CAMSAP2: variants seen among roughly 807,000 people sequenced by gnomAD.
The protein encoded by CAMSAP2 is calmodulin regulated spectrin associated protein family member 2.
Under a neutral mutation model 146.1 loss-of-function variants are expected in CAMSAP2, and 26 were observed. The observed-to-expected ratio is 0.18, with a 90% CI of 0.13 to 0.25. The LOEUF (loss-of-function observed/expected upper bound fraction) is 0.25, where lower values mean the gene tolerates loss of function less well. Ranked by LOEUF, CAMSAP2 falls within the 10% of genes least tolerant of loss-of-function variation. The pLI is 1.00. For missense variants in CAMSAP2, 1,381 were observed against 1,759.3 expected (o/e 0.78, Z 3.85); for synonymous variants, 499 against 596.6 (o/e 0.84, Z 2.38).
chr1:200,830,603 C>G (rs1667017722), intron 4 of CAMSAP2, among the ~76,000 whole-genome samples: 1 of 152,178 alleles, frequency 6.6e-6, no homozygotes, highest in African/African-American at 2.4e-5. Context: ...CTAGAAGATA[C>G]CGCTGTACTG....
Position 200,857,727 on chromosome 1 carries a change from A to G in CAMSAP2, c.4132-27A>G. 2 of 1,534,116 alleles carry G rather than the reference A, an allele frequency of 1.3e-6. No homozygotes were observed. Among genetic ancestry groups the G allele is most frequent in the South Asian group, 2.5e-5 (2 of 79,186 alleles). On this transcript the variant is annotated intron_variant, in intron 16 of 16. Coordinates refer to ENST00000358823, the MANE Select transcript of CAMSAP2 (RefSeq NM_203459.4). The surrounding 1 kb of genome is among the most constrained non-coding windows in gnomAD (Gnocchi z 4.7). ...ATAAAGGGTTTTTATTCGTGTTGTT[A>G]TGTTGTTTTTGTTTTTTATTTTAAA...
In CAMSAP2 at chr1:200,857,285, G is replaced by A. The variant is rs550948026; in HGVS notation, c.4013-21G>A. ...ACTTAGGAATGTTATTTTTATTATT[G>A]TTGTTAAATCCCTACCATAGGACCA... On this transcript the variant is annotated intron_variant, in intron 15 of 16. Coordinates refer to ENST00000358823, the MANE Select transcript of CAMSAP2 (RefSeq NM_203459.4). This position sits in a 1 kb window ranked among gnomAD's most constrained non-coding sequence, Gnocchi z 4.7. 3.7e-5 allele frequency: 52 copies of A among 1,389,154 alleles called. No homozygotes were observed. In the Middle Eastern group the frequency reaches 9.0e-4, roughly 24 times the overall value. 86.1% of individuals were successfully genotyped at this position (1,389,154 alleles called of 1,614,324 possible).
At chr1:200,771,504 C>T (rs891543697) in intron 2 of CAMSAP2, among the ~76,000 whole-genome samples, 5 of 151,802 alleles carry the variant, frequency 3.3e-5, no homozygotes, top group African/African-American at 9.7e-5. Context: ...TTATATTGTA[C>T]CACATATCAT....
intron 1 of CAMSAP2, among the ~76,000 whole-genome samples, chr1:200,755,480 T>G (rs1426922680): frequency 2.6e-5 from 4 of 152,174 alleles, no homozygotes; most frequent in Non-Finnish European, 5.9e-5. Context: ...AGTGAAGAGC[T>G]GAGTAGGCTG....
intron 3 of CAMSAP2, among the ~76,000 whole-genome samples, chr1:200,809,743 G>GATA (rs933121165): frequency 4.1e-4 from 63 of 152,096 alleles, no homozygotes; most frequent in Admixed American, 1.5e-3. Flanking sequence ...TAATAATAAT[G>GATA]ATAATAATAA....
At chr1:200,745,772 G>A (rs892046601) in intron 1 of CAMSAP2, among the ~76,000 whole-genome samples, 1 of 152,150 alleles carries the variant, frequency 6.6e-6, no homozygotes, top group Non-Finnish European at 1.5e-5. Flanking sequence ...GTGCCTGGTT[G>A]ATGATGATGT....
At chr1:200,847,857 G>A (rs1346574103) in intron 10 of CAMSAP2, 148 bp downstream of exon 10, 4 of 856,272 alleles carry the variant, frequency 4.7e-6, no homozygotes, top group South Asian at 3.6e-5. Context: ...TGATAGAGAT[G>A]TAAAAGAGGC....
chr1:200,761,756 A>G (rs961634312), intron 2 of CAMSAP2, among the ~76,000 whole-genome samples: 1 of 150,724 alleles, frequency 6.6e-6, no homozygotes, highest in Admixed American at 6.6e-5. Context: ...AAAAAAGCTC[A>G]TTTATGTACT....
At chr1:200,816,744 ACGC>A (rs1295188967) in intron 4 of CAMSAP2, among the ~76,000 whole-genome samples, 1 of 80,026 alleles carries the variant, frequency 1.2e-5, no homozygotes, top group African/African-American at 5.3e-5. Flanking sequence ...GTACACACAC[ACGC>A]GTGTATATAT....
chr1:200,760,038 A>G (rs1664759297), intron 1 of CAMSAP2, among the ~76,000 whole-genome samples: 1 of 152,192 alleles, frequency 6.6e-6, no homozygotes, highest in Admixed American at 6.5e-5. Context: ...TTGGAAGAGT[A>G]GGACTTGGCA....
At chr1:200,807,313 A>G (rs1388844704) in intron 2 of CAMSAP2, 63 bp from the exon 3 acceptor site, 2 of 1,293,244 alleles carry the variant, frequency 1.5e-6, no homozygotes, top group African/African-American at 3.0e-5. Context: ...ACATTTCAAA[A>G]TATGTAAAAA....
rs1470922662 is a variant in CAMSAP2, at chr1:200,857,316, C to A, written c.4023C>A (p.Leu1341=). 1 of 1,608,324 alleles carries A rather than the reference C, an allele frequency of 6.2e-7. No homozygotes were observed. Among genetic ancestry groups the A allele is most frequent in the Non-Finnish European group, 8.5e-7 (1 of 1,175,168 alleles). Residue 1341 remains leucine, a synonymous_variant, in exon 16 of 17, where the codon CTC becomes CTA. Transcript: ENST00000358823. This position sits in a 1 kb window ranked among gnomAD's most constrained non-coding sequence, Gnocchi z 4.7. ...AAATCCCTACCATAGGACCAAAGCT[C>A]TACAAAGAACCCAGTGCAAAATCCA... ...ASGTEYTGPK[L]YKEPSAKSNK... is the part of the protein sequence containing the mutation.
At chr1:200,754,539 G>C (rs978015840) in intron 1 of CAMSAP2, among the ~76,000 whole-genome samples, 1 of 93,528 alleles carries the variant, frequency 1.1e-5, no homozygotes, top group Non-Finnish European at 2.3e-5. Context: ...TTTTCCATTT[G>C]TTTGTTGGTA....
At chr1:200,754,363 G>T (rs1664588890) in intron 1 of CAMSAP2, among the ~76,000 whole-genome samples, 1 of 152,038 alleles carries the variant, frequency 6.6e-6, no homozygotes, top group African/African-American at 2.4e-5. Flanking sequence ...GGTCAAAGTG[G>T]TATCTGTAGT....
intron 2 of CAMSAP2, among the ~76,000 whole-genome samples, chr1:200,785,901 G>T (rs1489591091): frequency 6.6e-6 from 1 of 151,676 alleles, no homozygotes; most frequent in African/African-American, 2.4e-5. Context: ...TGTTGGTCAG[G>T]CTGGTCTCAA....
In CAMSAP2 at chr1:200,832,827, T is replaced by C. The variant is rs1186918244; in HGVS notation, c.909T>C (p.Tyr303=). The C allele has an allele frequency of 6.3e-7, 1 of 1,586,728 alleles. No individual in the cohort carries two copies. Among genetic ancestry groups the C allele is most frequent in the African/African-American group, 1.4e-5 (1 of 73,312 alleles). ...CCHFTLEDML[Y]AASSIKSNYL... ...ATTTCACTCTGGAAGATATGCTCTA[T>C]GCTGCTTCATCCATAAAGGTAAATT... Residue 303 remains tyrosine, a synonymous_variant, in exon 6 of 17, where the codon TAT becomes TAC. Transcript: ENST00000358823. This position sits in a 1 kb window ranked among gnomAD's most constrained non-coding sequence, Gnocchi z 4.2.
At chr1:200,843,451 C>T (rs1033328445) in intron 7 of CAMSAP2, among the ~76,000 whole-genome samples, 29 of 152,030 alleles carry the variant, frequency 1.9e-4, no homozygotes, top group African/African-American at 6.0e-4. Context: ...TCTTTACATG[C>T]CTATAAAAAA....
At chr1:200,779,154 G>A (rs570294847) in intron 2 of CAMSAP2, among the ~76,000 whole-genome samples, 1 of 152,110 alleles carries the variant, frequency 6.6e-6, no homozygotes, top group African/African-American at 2.4e-5. Flanking sequence ...TCTATACCAT[G>A]ATTTTTGAAG....
chr1:200,792,517 C>T (rs1665782314), intron 2 of CAMSAP2, among the ~76,000 whole-genome samples: 1 of 152,024 alleles, frequency 6.6e-6, no homozygotes, highest in Non-Finnish European at 1.5e-5. Context: ...TGGTGGAAGG[C>T]ACCTGTAATC....
Sources: allele counts gnomAD v4.1 joint callset (sites outside exome capture counted in the v4.1 genomes callset), GRCh38; gene constraint gnomAD v4.1.1; non-coding constraint Gnocchi (gnomAD v3.1); transcripts MANE v1.5; gene names NCBI Gene and HGNC (gene_info 2026-07-23, HGNC 2026-07-21).